The following LANCL3 variants were observed in gnomAD, a reference collection of about 807,000 sequenced individuals.
The protein encoded by LANCL3 is LanC like family member 3, also known as lanC-like protein 3.
LANCL3 carries 19 observed loss-of-function variants against 26.5 expected under a neutral mutation model. The observed-to-expected ratio is 0.72, with a 90% CI of 0.50 to 1.05. The LOEUF (loss-of-function observed/expected upper bound fraction) is 1.05, where lower values mean the gene tolerates loss of function less well. Ranked by LOEUF, LANCL3 falls within the 50% of genes least tolerant of loss-of-function variation. The pLI is 0.00. For missense variants in LANCL3, 318 were observed against 362.7 expected, an observed-to-expected ratio of 0.88 and a Z score of 1.00; for synonymous variants, 160 against 166.6, an observed-to-expected ratio of 0.96 and a Z score of 0.30.
intron 1 of LANCL3, among the ~76,000 whole-genome samples, chrX:37,650,789 G>C (rs2146775316): frequency 9.5e-6 from 1 of 105,055 alleles, no homozygotes; most frequent in East Asian, 3.0e-4. Flanking sequence ...TGCACAATGT[G>C]CAGGTTCGTT....
chrX:37,629,274 C>T (rs781793843), intron 1 of LANCL3, among the ~76,000 whole-genome samples: 222 of 106,393 alleles, frequency 2.1e-3, no homozygotes, highest in South Asian at 3.0e-3. Flanking sequence ...TCATGTCCTT[C>T]GCCCACTTTT....
At chrX:37,588,165 T>C (rs1924159289) in intron 1 of LANCL3, among the ~76,000 whole-genome samples, 1 of 112,311 alleles carries the variant, frequency 8.9e-6, no homozygotes. Flanking sequence ...ACTAACTTCT[T>C]CACTAATTAC....
intron 1 of LANCL3, among the ~76,000 whole-genome samples, chrX:37,640,219 AAG>A (rs2146765770): frequency 8.9e-6 from 1 of 112,313 alleles, no homozygotes; most frequent in African/African-American, 3.2e-5. Context: ...TTATAAAGAA[AAG>A]AGCTTTAATT....
chrX:37,679,491 A>G lies in LANCL3; in HGVS notation c.*3678A>G, dbSNP rs1239855950. The stretch of plus-strand genomic sequence containing the variant: ...TTATTTTGCTTGCTGAGAACAAAGG[A>G]TTACAGTGCCAATAACTCAAGAAAA... On this transcript the variant is annotated 3_prime_UTR_variant, in exon 5 of 5. Transcript: ENST00000378619. The G allele has an allele frequency of 8.9e-6, 1 of 111,995 alleles. No homozygotes were observed. Among genetic ancestry groups the G allele is most frequent in the Non-Finnish European group, 1.9e-5 (1 of 53,210 alleles). The allele number at this position is 111,995 out of a possible 1,213,427, so 9.2% of individuals were successfully genotyped here.
chrX:37,606,252 G>A (rs1569463910), intron 1 of LANCL3, among the ~76,000 whole-genome samples: 2 of 111,347 alleles, frequency 1.8e-5, no homozygotes, highest in Admixed American at 9.5e-5. Context: ...ATTGGGGGGT[G>A]GTAACATAGG....
At chrX:37,659,777 G>T in intron 3 of LANCL3, 118 bp downstream of exon 3, 1 of 617,567 alleles carries the variant, frequency 1.6e-6, no homozygotes, top group Non-Finnish European at 2.5e-6. Context: ...GAGATAAAAG[G>T]GTCAAGATGA....
chrX:37,659,592 G>A lies in LANCL3; in HGVS notation c.828G>A (p.Trp276Ter). 1 of 1,210,591 alleles carries A rather than the reference G, an allele frequency of 8.3e-7. No individual in the cohort carries two copies. The highest frequency in any genetic ancestry group is 1.1e-6 in the Non-Finnish European group (1 of 895,089). Residue 276 changes from tryptophan (W) to a stop codon, truncating the protein, a stop_gained, in exon 3 of 5, where the codon TGG becomes TGA. Coordinates refer to ENST00000378619, the MANE Select transcript of LANCL3 (RefSeq NM_001170331.2). LOFTEE classifies it high-confidence loss of function. ...TGGAACAGGAACAAAACTGCAACTG[G>A]CCACCTGAGCTCGGCGAGACCATCG... ...FLMEQEQNCN[W>*]PPELGETIER...
At chrX:37,580,780 G>A (rs1923872978) in intron 1 of LANCL3, among the ~76,000 whole-genome samples, 2 of 110,086 alleles carry the variant, frequency 1.8e-5, no homozygotes, top group South Asian at 8.0e-4. Flanking sequence ...ACTTTTTGAG[G>A]TTCTACATAT....
At chrX:37,642,948 T>C (rs1556426092) in intron 1 of LANCL3, among the ~76,000 whole-genome samples, 1 of 112,538 alleles carries the variant, frequency 8.9e-6, no homozygotes. Context: ...ATTTCTATAC[T>C]CTCTAGTACA....
chrX:37,668,333 T>A (rs782283448), intron 4 of LANCL3: 2 of 268,854 alleles, frequency 7.4e-6, no homozygotes, highest in Non-Finnish European at 1.4e-5. Flanking sequence ...ATATATATAT[T>A]TATAATTTTG....
At chrX:37,632,389 G>T (rs1332394248) in intron 1 of LANCL3, among the ~76,000 whole-genome samples, 1 of 111,131 alleles carries the variant, frequency 9.0e-6, no homozygotes, top group South Asian at 3.7e-4. Context: ...CACTGTGATG[G>T]GTCTTGACTC....
intron 1 of LANCL3, among the ~76,000 whole-genome samples, chrX:37,602,420 A>T (rs1017377791): frequency 3.6e-5 from 4 of 112,096 alleles, no homozygotes; most frequent in African/African-American, 9.7e-5. Flanking sequence ...CTCTTGGGAC[A>T]CTTCAAGATT....
intron 3 of LANCL3, among the ~76,000 whole-genome samples, chrX:37,660,933 T>C (rs956733269): frequency 9.1e-6 from 1 of 110,138 alleles, no homozygotes; most frequent in Non-Finnish European, 1.9e-5. Context: ...CCATGCATTG[T>C]GTGTTATGTC....
chrX:37,647,577 T>A (rs961695572), intron 1 of LANCL3, among the ~76,000 whole-genome samples: 13 of 112,047 alleles, frequency 1.2e-4, no homozygotes, highest in African/African-American at 4.2e-4. Flanking sequence ...TAAGTTAATA[T>A]CAGATTCTTA....
chrX:37,672,391 G>T (rs1389919381), intron 4 of LANCL3, among the ~76,000 whole-genome samples: 2 of 112,152 alleles, frequency 1.8e-5, no homozygotes, highest in Non-Finnish European at 3.8e-5. Flanking sequence ...GTGAACAAAA[G>T]TTCTCTGAAA....
At chrX:37,630,103 C>G (rs1488607962) in intron 1 of LANCL3, among the ~76,000 whole-genome samples, 13 of 111,167 alleles carry the variant, frequency 1.2e-4, no homozygotes, top group East Asian at 2.8e-4. Context: ...TCTTCCATTT[C>G]TTTGTATCCT....
chrX:37,632,150 A>C (rs1925539347), intron 1 of LANCL3, among the ~76,000 whole-genome samples: 1 of 111,951 alleles, frequency 8.9e-6, no homozygotes, highest in African/African-American at 3.3e-5. Flanking sequence ...TATTGGTTGC[A>C]TATATATTTA....
chrX:37,631,133 G>A (rs1441461674), intron 1 of LANCL3, among the ~76,000 whole-genome samples: 1 of 112,005 alleles, frequency 8.9e-6, no homozygotes, highest in Non-Finnish European at 1.9e-5. Context: ...TTCAGATCCT[G>A]TTATTGTTCT....
rs1556437041 is a variant in LANCL3 at position 37,675,774 on chromosome X, C to T, written c.1224C>T (p.Pro408=). The change falls in exon 5 of 5, where the codon CCC becomes CCT. Residue 408 remains proline (P), a synonymous_variant. Transcript: ENST00000378619. ...TVCFLIDLLQ[P]NQAEFPLFSV... ...GCTTTCTGATTGACCTGCTGCAGCCCAATCAGGCTGAATTCCCACTCTTCA... is the reference window on the plus strand; with the variant it reads ...GCTTTCTGATTGACCTGCTGCAGCCTAATCAGGCTGAATTCCCACTCTTCA... 8.6e-7 allele frequency: 1 copy of T among 1,160,264 alleles called. No individual in the cohort carries two copies. Among genetic ancestry groups the T allele is most frequent in the Non-Finnish European group, 1.2e-6 (1 of 869,292 alleles).
Sources: gnomAD v4.1 joint callset for allele counts (sites outside exome capture counted in the v4.1 genomes callset) on GRCh38, gnomAD v4.1.1 for gene constraint, MANE v1.5 for transcripts, NCBI Gene and HGNC (gene_info 2026-07-23, HGNC 2026-07-21) for gene names.